Variants in STPG2 observed in about 807,000 individuals in gnomAD.
STPG2 encodes sperm tail PG-rich repeat containing 2, also known as sperm-tail PG-rich repeat-containing protein 2.
Under a neutral mutation model 54.2 loss-of-function variants are expected in STPG2, and 56 were observed. The observed-to-expected ratio is 1.03, with a 90% CI of 0.83 to 1.29. The LOEUF is 1.29. STPG2 is among the 50% of genes most tolerant of loss of function. The pLI is 0.00. For synonymous variants in STPG2, 200 were observed against 181.8 expected, an observed-to-expected ratio of 1.10 and a Z score of -0.81; for missense variants, 596 against 544.9, an observed-to-expected ratio of 1.09 and a Z score of -0.93.
intron 8 of STPG2, among the ~76,000 whole-genome samples, chr4:97,941,425 A>G (rs973593335): frequency 2.0e-5 from 3 of 152,284 alleles, no homozygotes; most frequent in Admixed American, 6.5e-5. Context: ...TTCTGCTTCT[A>G]GAATGCTCAG....
At chr4:98,086,790 T>C (rs990860493) in intron 5 of STPG2, among the ~76,000 whole-genome samples, 1 of 151,924 alleles carries the variant, frequency 6.6e-6, no homozygotes, top group Non-Finnish European at 1.5e-5. Context: ...AACCATCTTA[T>C]CATATTTCTT....
intron 5 of STPG2, among the ~76,000 whole-genome samples, chr4:98,095,356 C>T (rs757050185): frequency 6.6e-6 from 1 of 152,122 alleles, no homozygotes; most frequent in Non-Finnish European, 1.5e-5. Flanking sequence ...GGACTAAACT[C>T]TCCAATTAAA....
chr4:98,060,461 G>A (rs896129151), intron 5 of STPG2, among the ~76,000 whole-genome samples: 4 of 152,178 alleles, frequency 2.6e-5, no homozygotes, highest in Non-Finnish European at 4.4e-5. Context: ...CGGATATGGA[G>A]AATCAATATT....
intron 8 of STPG2, among the ~76,000 whole-genome samples, chr4:97,914,100 C>T (rs1731780012): frequency 6.6e-6 from 1 of 152,150 alleles, no homozygotes. Context: ...AATGATTTAT[C>T]TGAACTGGAT....
intron 4 of STPG2, among the ~76,000 whole-genome samples, chr4:97,482,123 T>C (rs989214050): frequency 6.6e-6 from 1 of 151,706 alleles, no homozygotes; most frequent in African/African-American, 2.4e-5. Flanking sequence ...ATGACTATGG[T>C]AAATTACACT....
At chr4:98,119,995 T>G (rs988561692) in intron 3 of STPG2, among the ~76,000 whole-genome samples, 1 of 152,188 alleles carries the variant, frequency 6.6e-6, no homozygotes, top group Non-Finnish European at 1.5e-5. Flanking sequence ...TTATCCAGTC[T>G]ATCATTGATG....
At chr4:98,108,962 T>A (rs896080138) in intron 4 of STPG2, among the ~76,000 whole-genome samples, 2 of 152,112 alleles carry the variant, frequency 1.3e-5, no homozygotes, top group Non-Finnish European at 2.9e-5. Flanking sequence ...CAAAACACTA[T>A]GGCACATGTA....
At chr4:97,472,925 T>G (rs2148815930) in intron 4 of STPG2, among the ~76,000 whole-genome samples, 1 of 152,336 alleles carries the variant, frequency 6.6e-6, no homozygotes, top group African/African-American at 2.4e-5. Context: ...GTTCTCCAAA[T>G]TAATACTTTT....
At chr4:98,117,527 C>G (rs1560687072) in intron 3 of STPG2, among the ~76,000 whole-genome samples, 1 of 151,874 alleles carries the variant, frequency 6.6e-6, no homozygotes, top group Non-Finnish European at 1.5e-5. Context: ...CCTCTTTCTC[C>G]TCCGCTTCTG....
At chr4:97,796,253 T>G (rs1454153409) in intron 9 of STPG2, among the ~76,000 whole-genome samples, 1 of 152,240 alleles carries the variant, frequency 6.6e-6, no homozygotes, top group Non-Finnish European at 1.5e-5. Context: ...GCTTTTGATG[T>G]TTTAGACATG....
At chr4:97,884,614 G>C (rs1287019603) in intron 8 of STPG2, among the ~76,000 whole-genome samples, 1 of 151,990 alleles carries the variant, frequency 6.6e-6, no homozygotes, top group Non-Finnish European at 1.5e-5. Context: ...TCTACTCTGT[G>C]GTATTTGTTC....
chr4:97,900,367 T>A (rs1283122901), intron 8 of STPG2, among the ~76,000 whole-genome samples: 1 of 152,098 alleles, frequency 6.6e-6, no homozygotes, highest in Non-Finnish European at 1.5e-5. Context: ...GTATGGCAAT[T>A]CCTCAAAGAG....
intron 9 of STPG2, among the ~76,000 whole-genome samples, chr4:97,829,980 C>A (rs1014221283): frequency 1.7e-4 from 26 of 152,102 alleles, no homozygotes; most frequent in Non-Finnish European, 3.5e-4. Flanking sequence ...ACTTCCCCAA[C>A]ATAGCAAGAC....
chr4:98,086,048 T>A (rs986549613), intron 5 of STPG2, among the ~76,000 whole-genome samples: 1 of 152,122 alleles, frequency 6.6e-6, no homozygotes, highest in African/African-American at 2.4e-5. Context: ...CTCAGTTAAA[T>A]GAATGTGTAT....
At chr4:97,932,357 A>T (rs983090372) in intron 8 of STPG2, among the ~76,000 whole-genome samples, 16 of 151,646 alleles carry the variant, frequency 1.1e-4, no homozygotes, top group African/African-American at 3.9e-4. Context: ...ATTTTTCCAA[A>T]TTTTTTTTTA....
chr4:97,762,718 C>T (rs1254420431), intron 9 of STPG2, among the ~76,000 whole-genome samples: 17 of 151,958 alleles, frequency 1.1e-4, no homozygotes, highest in Admixed American at 1.1e-3. Context: ...AAAAAAGCTT[C>T]AAAACAATAA....
At chr4:98,142,946 T>C in intron 1 of STPG2, 96 bp downstream of exon 1, 1 of 1,017,562 alleles carries the variant, frequency 9.8e-7, no homozygotes, top group Non-Finnish European at 1.5e-6. Context: ...AAAATGGTAC[T>C]ATTCCGCTCT....
At position 97,455,856 on chromosome 4, in the gene STPG2, G is replaced by A. The variant is rs531691786; in HGVS notation, c.462+256843C>T. Among the ~76,000 whole-genome samples, 3 of 152,290 alleles carry A rather than the reference G, an allele frequency of 2.0e-5. 1 individual carries two copies. The South Asian group carries it at 6.2e-4, about 32-fold the overall frequency. On this transcript the variant is annotated intron_variant, in intron 4 of 4. Transcript: ENST00000522676. ...AGCATTCACCCCTAGACACTGCCAT[G>A]CAGTTGGAGCCCCACAACCTGCCCA...
chr4:97,460,279 T>A (rs958160492), intron 4 of STPG2, among the ~76,000 whole-genome samples: 1 of 152,170 alleles, frequency 6.6e-6, no homozygotes, highest in Non-Finnish European at 1.5e-5. Flanking sequence ...CTCTGCTTTA[T>A]TTTTTTCTAT....
Sources: allele counts gnomAD v4.1 joint callset (sites outside exome capture counted in the v4.1 genomes callset), GRCh38; gene constraint gnomAD v4.1.1; transcripts MANE v1.5; gene names NCBI Gene and HGNC (gene_info 2026-07-23, HGNC 2026-07-21).